The following KCNK2 variants were observed in gnomAD, a reference collection of about 807,000 sequenced individuals.
KCNK2 encodes potassium two pore domain channel subfamily K member 2, also known as potassium channel subfamily K member 2.
Under a neutral mutation model 40.5 loss-of-function variants are expected in KCNK2, and 21 were observed. The observed-to-expected ratio is 0.52, with a 90% CI of 0.37 to 0.75. The LOEUF (loss-of-function observed/expected upper bound fraction) is 0.75. Among genes scored for constraint, KCNK2 ranks in the 30% least tolerant of loss-of-function variants. The pLI is 0.00. For synonymous variants in KCNK2, 191 were observed against 202.2 expected (o/e 0.94, Z 0.47); for missense variants, 399 against 531.6 (o/e 0.75, Z 2.45).
chr1:215,213,093 G>GCAGTTTA (rs1665809039), intron 6 of KCNK2, among the ~76,000 whole-genome samples: 1 of 152,126 alleles, frequency 6.6e-6, no homozygotes. Flanking sequence ...GAGACATCAT[G>GCAGTTTA]CAGTTTACAG....
intron 1 of KCNK2, among the ~76,000 whole-genome samples, chr1:215,028,195 T>C (rs1277297549): frequency 6.6e-6 from 1 of 152,132 alleles, no homozygotes; most frequent in Non-Finnish European, 1.5e-5. Context: ...AAAACCAGCC[T>C]GGCCAATGTG....
At chr1:215,014,149 T>G (rs1656502342) in intron 1 of KCNK2, among the ~76,000 whole-genome samples, 1 of 152,170 alleles carries the variant, frequency 6.6e-6, no homozygotes, top group African/African-American at 2.4e-5. Flanking sequence ...ATGCTTTTCC[T>G]GCCTCATTTA....
At chr1:215,213,022 G>T (rs1175753639) in intron 6 of KCNK2, among the ~76,000 whole-genome samples, 8 of 152,164 alleles carry the variant, frequency 5.3e-5, no homozygotes, top group African/African-American at 1.9e-4. Context: ...TTTTCTCACA[G>T]TTCGAGAGGG....
At chr1:215,114,564 G>A (rs894509020) in intron 2 of KCNK2, among the ~76,000 whole-genome samples, 7 of 152,058 alleles carry the variant, frequency 4.6e-5, no homozygotes, top group South Asian at 2.1e-4. Context: ...TGAGAAAGGC[G>A]GGGGAAACTT....
Position 215,209,386 on chromosome 1 carries a change from T to TATTATATATAATATGTGC in KCNK2, c.963+14296_963+14297insTATATATAATATGTGCAT, listed in dbSNP as rs1553274143. Among the ~76,000 whole-genome samples the TATTATATATAATATGTGC allele has an allele frequency of 4.3e-3, 217 of 49,934 alleles. 2 individuals carry two copies. Among genetic ancestry groups the TATTATATATAATATGTGC allele is most frequent in the African/African-American group, 0.019 (207 of 10,882 alleles). The allele number at this position is 49,934 out of a possible 152,430, so 32.8% of individuals were successfully genotyped here. On this transcript the variant is annotated intron_variant, in intron 6 of 6. Transcript: ENST00000444842. ...ATATGCATATATTATATATAAAATATATATATTATATATAAAATATGCATA... is the reference window on the plus strand; with the variant it reads ...ATATGCATATATTATATATAAAATATATTATATATAATATGTGCATATATTATATATAAAATATGCATA...
intron 1 of KCNK2, among the ~76,000 whole-genome samples, chr1:215,053,704 T>C (rs1658063804): frequency 6.6e-6 from 1 of 152,224 alleles, no homozygotes; most frequent in South Asian, 2.1e-4. Flanking sequence ...CTTAGATAGA[T>C]ATTCTTGAAC....
At position 215,083,056 on chromosome 1, in the gene KCNK2, C is replaced by A; in HGVS notation, c.-330C>A. The A allele has an allele frequency of 4.7e-6, 1 of 213,246 alleles. No individual in the cohort carries two copies. The highest frequency in any genetic ancestry group is 1.6e-4 in the South Asian group (1 of 6,256). 13.2% of individuals were successfully genotyped at this position (213,246 alleles called of 1,614,324 possible). A position where few individuals can be genotyped will look rare whatever the true frequency, so the allele number is the denominator to read the frequency against. ...GGGCAGGCGCGGGACCCGGGTCGCC[C>A]GCGCTCTCCGGGTGACCCGGGCCCG... On this transcript the variant is annotated 5_prime_UTR_variant, in exon 1 of 7. Transcript: ENST00000444842.
chr1:215,195,676 T>C (rs1664834249), intron 6 of KCNK2, among the ~76,000 whole-genome samples: 3 of 152,188 alleles, frequency 2.0e-5, no homozygotes, highest in Non-Finnish European at 2.9e-5. Flanking sequence ...GAAGTGAACA[T>C]TAGAATTTTG....
At chr1:215,029,409 G>C (rs1657107863) in intron 1 of KCNK2, among the ~76,000 whole-genome samples, 1 of 150,556 alleles carries the variant, frequency 6.6e-6, no homozygotes, top group Non-Finnish European at 1.5e-5. Context: ...TCACTTAGTG[G>C]TATTAATTTA....
Position 215,193,503 on chromosome 1 carries a change from G to A in KCNK2, c.824-1450G>A, listed in dbSNP as rs1367741154. ...CAATATCTTTGGTCTTTGGTCACCAGAGAGCTCTTCCTCTCACTTATCCCA... is the reference window on the plus strand; with the variant it reads ...CAATATCTTTGGTCTTTGGTCACCAAAGAGCTCTTCCTCTCACTTATCCCA... On this transcript the variant is annotated intron_variant, in intron 5 of 6. Coordinates refer to ENST00000444842, the MANE Select transcript of KCNK2 (RefSeq NM_001017425.3). Among the ~76,000 whole-genome samples the A allele has an allele frequency of 2.0e-5, 3 of 151,674 alleles. No individual in the cohort carries two copies. The East Asian group carries it at 5.8e-4, about 29-fold the overall frequency.
intron 1 of KCNK2, among the ~76,000 whole-genome samples, chr1:215,039,125 ACTAT>A (rs1657481118): frequency 6.6e-6 from 1 of 152,130 alleles, no homozygotes; most frequent in Non-Finnish European, 1.5e-5. Flanking sequence ...TTGTTTTAAG[ACTAT>A]CTATAAGAAT....
intron 2 of KCNK2, among the ~76,000 whole-genome samples, chr1:215,117,513 C>T (rs1156630646): frequency 6.6e-6 from 1 of 152,112 alleles, no homozygotes; most frequent in Non-Finnish European, 1.5e-5. Flanking sequence ...TATCATACTG[C>T]AGTGAAATTT....
chr1:215,012,988 T>C (rs1262680120), intron 1 of KCNK2, among the ~76,000 whole-genome samples: 1 of 152,216 alleles, frequency 6.6e-6, no homozygotes, highest in Non-Finnish European at 1.5e-5. Flanking sequence ...TGTTTTCTTT[T>C]TTCAGAATAT....
chr1:215,210,641 T>G (rs1300216734), intron 6 of KCNK2, among the ~76,000 whole-genome samples: 1 of 152,076 alleles, frequency 6.6e-6, no homozygotes, highest in Non-Finnish European at 1.5e-5. Context: ...TACAGTTTTA[T>G]ATATATATAG....
chr1:215,110,740 A>G lies in KCNK2; in HGVS notation c.358-13893A>G, dbSNP rs1403387457. On this transcript the variant is annotated intron_variant, in intron 2 of 6. Transcript: ENST00000444842. ...AACAGAAAGTGCAGTGATTTCCCAT[A>G]TATTCCCTGCCCCCACACATGCATA... 9.8e-5 allele frequency among the ~76,000 whole-genome samples: 11 copies of G among 112,524 alleles called. No individual in the cohort carries two copies. The East Asian group carries it at 2.9e-3, about 29-fold the overall frequency. The allele number at this position is 112,524 out of a possible 152,430, so 73.8% of individuals were successfully genotyped here. A position where few individuals can be genotyped will look rare whatever the true frequency, so the allele number is the denominator to read the frequency against.
At chr1:215,074,108 A>G (rs1387245577) in intron 1 of KCNK2, among the ~76,000 whole-genome samples, 1 of 152,150 alleles carries the variant, frequency 6.6e-6, no homozygotes, top group Non-Finnish European at 1.5e-5. Flanking sequence ...ACTTTGTACA[A>G]TTTGGGGAGA....
At chr1:215,037,330 C>T (rs1657422728) in intron 1 of KCNK2, among the ~76,000 whole-genome samples, 2 of 151,764 alleles carry the variant, frequency 1.3e-5, no homozygotes, top group Admixed American at 1.3e-4. Flanking sequence ...GTGAGTTATA[C>T]TGATAGATTT....
chr1:215,076,339 A>T (rs914143662), intron 1 of KCNK2, among the ~76,000 whole-genome samples: 1 of 152,180 alleles, frequency 6.6e-6, no homozygotes, highest in South Asian at 2.1e-4. Context: ...ATGATTTCAC[A>T]GTTTTTGAGG....
At chr1:215,129,211 G>A (rs1244167251) in intron 3 of KCNK2, among the ~76,000 whole-genome samples, 1 of 152,182 alleles carries the variant, frequency 6.6e-6, no homozygotes, top group Non-Finnish European at 1.5e-5. Context: ...CTCATGGACA[G>A]TGCTAGTTGA....
Sources: gnomAD v4.1 joint callset for allele counts (sites outside exome capture counted in the v4.1 genomes callset) on GRCh38, gnomAD v4.1.1 for gene constraint, MANE v1.5 for transcripts, NCBI Gene and HGNC (gene_info 2026-07-23, HGNC 2026-07-21) for gene names.